ADGRB3: variants seen among roughly 807,000 people sequenced by gnomAD.
ADGRB3 encodes the protein adhesion G protein-coupled receptor B3, also known as brain-specific angiogenesis inhibitor 3.
In ADGRB3, 37 loss-of-function variants were observed where a neutral mutation model predicts 193.4. That is an observed-to-expected ratio of 0.19 (90% CI 0.15 to 0.25). ADGRB3 has a LOEUF of 0.25. ADGRB3 is among the 10% of genes least tolerant of loss of function. The probability of loss-of-function intolerance (pLI) is 1.00; values close to 1 mark genes in which losing one functional copy is unlikely to be tolerated. For missense variants in ADGRB3, 1,637 were observed against 1,852.9 expected, an observed-to-expected ratio of 0.88 and a Z score of 2.14; for synonymous variants, 690 against 644.2, an observed-to-expected ratio of 1.07 and a Z score of -1.08.
At chr6:69,213,354 T>G (rs1765708063) in intron 17 of ADGRB3, among the ~76,000 whole-genome samples, 1 of 152,192 alleles carries the variant, frequency 6.6e-6, no homozygotes, top group Non-Finnish European at 1.5e-5. Context: ...ATCACAAATG[T>G]AAAGAGAAAA....
intron 3 of ADGRB3, among the ~76,000 whole-genome samples, chr6:68,694,384 CTT>C (rs1296334481): frequency 6.6e-6 from 1 of 151,988 alleles, no homozygotes; most frequent in Non-Finnish European, 1.5e-5. Context: ...AGAAACCTAA[CTT>C]AAGTGAATTT....
intron 3 of ADGRB3, among the ~76,000 whole-genome samples, chr6:68,659,097 C>A (rs191786317): frequency 7.3e-5 from 11 of 150,846 alleles, no homozygotes; most frequent in Admixed American, 7.3e-4. Context: ...TACCTGAGAA[C>A]CAAAAATAAA....
chr6:69,366,113 T>C (rs1769561200), intron 29 of ADGRB3, among the ~76,000 whole-genome samples: 1 of 152,048 alleles, frequency 6.6e-6, no homozygotes, highest in African/African-American at 2.4e-5. Flanking sequence ...AACTTTTTCT[T>C]TTTTACATTT....
chr6:68,972,365 C>T (rs1307819246), intron 8 of ADGRB3, among the ~76,000 whole-genome samples: 1 of 152,190 alleles, frequency 6.6e-6, no homozygotes, highest in African/African-American at 2.4e-5. Context: ...TCTCCTGCCC[C>T]ATTTAACAGC....
chr6:68,768,669 A>G (rs1441065103), intron 3 of ADGRB3, among the ~76,000 whole-genome samples: 12 of 152,244 alleles, frequency 7.9e-5, no homozygotes, highest in Admixed American at 7.2e-4. Flanking sequence ...AGCAATGGCA[A>G]CAAAAGCCAA....
intron 20 of ADGRB3, among the ~76,000 whole-genome samples, chr6:69,264,056 C>G (rs1027123496): frequency 4.0e-5 from 6 of 151,890 alleles, no homozygotes; most frequent in African/African-American, 1.4e-4. Flanking sequence ...AATGACTCAT[C>G]CATAGATGGA....
intron 17 of ADGRB3, among the ~76,000 whole-genome samples, chr6:69,217,533 G>A (rs1331835592): frequency 1.3e-5 from 2 of 152,092 alleles, no homozygotes; most frequent in Admixed American, 6.6e-5. Context: ...GGTAAGTAAG[G>A]CTGCGTGATA....
At chr6:69,293,690 G>A (rs758797880) in intron 20 of ADGRB3, among the ~76,000 whole-genome samples, 18 of 152,242 alleles carry the variant, frequency 1.2e-4, no homozygotes, top group Non-Finnish European at 2.2e-4. Context: ...AACAGCTACA[G>A]CCTCTTGGCT....
intron 17 of ADGRB3, among the ~76,000 whole-genome samples, chr6:69,156,181 A>G (rs1409832297): frequency 1.3e-5 from 2 of 152,216 alleles, no homozygotes; most frequent in African/African-American, 2.4e-5. Flanking sequence ...TGTAATGGTT[A>G]AAAAATGAAC....
chr6:69,275,472 T>A (rs1767282814), intron 20 of ADGRB3, among the ~76,000 whole-genome samples: 1 of 152,144 alleles, frequency 6.6e-6, no homozygotes, highest in African/African-American at 2.4e-5. Flanking sequence ...CAAGGCGTTT[T>A]TTAACTTCAC....
chr6:69,241,655 T>C (rs1249813665), intron 20 of ADGRB3, among the ~76,000 whole-genome samples: 3 of 151,980 alleles, frequency 2.0e-5, no homozygotes, highest in Non-Finnish European at 2.9e-5. Flanking sequence ...ATGAATTTGG[T>C]TTACTTTTCA....
At chr6:69,105,694 GT>G (rs1773187036) in intron 17 of ADGRB3, among the ~76,000 whole-genome samples, 1 of 152,096 alleles carries the variant, frequency 6.6e-6, no homozygotes, top group Admixed American at 6.5e-5. Context: ...GCAGTTACTA[GT>G]TTTATCTCTC....
intron 8 of ADGRB3, among the ~76,000 whole-genome samples, chr6:68,957,736 T>G (rs557573018): frequency 6.6e-6 from 1 of 152,282 alleles, no homozygotes; most frequent in African/African-American, 2.4e-5. Context: ...CATGATTGTT[T>G]CAACTTAGAA....
At chr6:68,666,302 C>G (rs1768799533) in intron 3 of ADGRB3, among the ~76,000 whole-genome samples, 1 of 151,916 alleles carries the variant, frequency 6.6e-6, no homozygotes, top group African/African-American at 2.4e-5. Context: ...TACATTTATG[C>G]TAGTTGTGTG....
chr6:68,832,444 C>T (rs549440613), intron 3 of ADGRB3, among the ~76,000 whole-genome samples: 1 of 152,102 alleles, frequency 6.6e-6, no homozygotes, highest in Non-Finnish European at 1.5e-5. Context: ...GGTTCATGCT[C>T]ATTTCTGAGT....
chr6:68,735,201 G>T (rs544865753), intron 3 of ADGRB3, among the ~76,000 whole-genome samples: 7 of 151,970 alleles, frequency 4.6e-5, no homozygotes, highest in African/African-American at 1.7e-4. Flanking sequence ...ATTGTCGAAT[G>T]AATGAATAAT....
intron 13 of ADGRB3, among the ~76,000 whole-genome samples, chr6:69,043,290 G>GAGAGAAGGAAAGAAAGAAAGAA: frequency 1.1e-5 from 1 of 88,088 alleles, no homozygotes; most frequent in East Asian, 2.8e-4. Context: ...GGAAGAAAGA[G>GAGAGAAGGAAAGAAAGAAAGAA]AGAAAGAAAG....
intron 2 of ADGRB3, 98 bp from the exon 3 acceptor site, chr6:68,638,563 A>T: frequency 8.0e-7 from 1 of 1,252,420 alleles, no homozygotes; most frequent in East Asian, 2.4e-5. Context: ...CTTTTTACTG[A>T]AATCTTGAAA....
chr6:69,305,403 G>A (rs976945445), intron 20 of ADGRB3, among the ~76,000 whole-genome samples: 7 of 151,446 alleles, frequency 4.6e-5, no homozygotes, highest in African/African-American at 1.2e-4. Flanking sequence ...TTTATACAGT[G>A]TGGATTATTT....
Sources: gnomAD v4.1 joint callset for allele counts (sites outside exome capture counted in the v4.1 genomes callset) on GRCh38, gnomAD v4.1.1 for gene constraint, MANE v1.5 for transcripts, NCBI Gene and HGNC (gene_info 2026-07-23, HGNC 2026-07-21) for gene names.